RBFOX1: variants seen among roughly 807,000 people sequenced by gnomAD.
RBFOX1 encodes RNA binding fox-1 homolog 1, also known as RNA binding protein fox-1 homolog 1.
In RBFOX1, 8 loss-of-function variants were observed where a neutral mutation model predicts 57.7. The ratio of observed to expected loss-of-function variants is 0.14; its 90% CI spans 0.08 to 0.25. The LOEUF (loss-of-function observed/expected upper bound fraction) is 0.25, where lower values mean the gene tolerates loss of function less well. RBFOX1 is among the 10% of genes least tolerant of loss of function. RBFOX1 has a pLI of 1.00. For synonymous variants in RBFOX1, 326 were observed against 222.4 expected (o/e 1.47, Z -4.15); for missense variants, 611 against 548.5 (o/e 1.11, Z -1.14).
chr16:5,990,436 A>G (rs2060372635), intron 4 of RBFOX1, among the ~76,000 whole-genome samples: 1 of 152,236 alleles, frequency 6.6e-6, no homozygotes, highest in African/African-American at 2.4e-5. Flanking sequence ...ACTTATTCAC[A>G]TTCGAGGATC....
At chr16:7,202,515 C>T (rs1186219899) in intron 4 of RBFOX1, among the ~76,000 whole-genome samples, 2 of 152,190 alleles carry the variant, frequency 1.3e-5, no homozygotes, top group Non-Finnish European at 2.9e-5. Flanking sequence ...CAGGGGTCCC[C>T]AGTCCCTGGG....
rs186153992 is a variant in RBFOX1 at position 6,158,104 on chromosome 16, G to C, written c.-127+138112G>C. Among the ~76,000 whole-genome samples, 408 of 152,252 alleles carry C rather than the reference G, an allele frequency of 2.7e-3. 1 individual carries two copies. The highest frequency in any genetic ancestry group is 4.4e-3 in the Non-Finnish European group (301 of 68,016). On this transcript the variant is annotated intron_variant, in intron 1 of 15. Coordinates refer to ENST00000550418, the MANE Select transcript of RBFOX1 (RefSeq NM_018723.4). ...AGATTCCCCGAGATAAAACCCGAACGCTTTTACAAAATGAAAGTGGAGTGG... is the reference window on the plus strand; with the variant it reads ...AGATTCCCCGAGATAAAACCCGAACCCTTTTACAAAATGAAAGTGGAGTGG...
intron 1 of RBFOX1, chr16:6,037,497 A>G (rs1030959132): frequency 4.6e-5 from 7 of 150,918 alleles, no homozygotes; most frequent in Non-Finnish European, 1.0e-4. Context: ...ACTCAGTGGA[A>G]TACTACTGTT....
At chr16:7,128,204 T>G (rs72763573) in intron 4 of RBFOX1, among the ~76,000 whole-genome samples, 38,362 of 152,144 alleles carry the variant, frequency 0.25, 4,999 homozygotes, top group Non-Finnish European at 0.28. Flanking sequence ...TTTCAAAGAA[T>G]AATAGCATGT....
chr16:7,211,839 G>A (rs112861620), intron 4 of RBFOX1, among the ~76,000 whole-genome samples: 50 of 152,242 alleles, frequency 3.3e-4, no homozygotes, highest in Admixed American at 1.5e-3. Context: ...CCCTTAGCAC[G>A]AGGTGGTTGC....
chr16:6,944,954 C>CTGCT (rs2079207307), intron 3 of RBFOX1, among the ~76,000 whole-genome samples: 2 of 152,134 alleles, frequency 1.3e-5, no homozygotes, highest in Admixed American at 1.3e-4. Context: ...AAGTGGCTGA[C>CTGCT]TGCTGTATGG....
chr16:7,371,855 T>C (rs1369190722), intron 4 of RBFOX1, among the ~76,000 whole-genome samples: 1 of 152,244 alleles, frequency 6.6e-6, no homozygotes, highest in Non-Finnish European at 1.5e-5. Flanking sequence ...CTAAATGCCC[T>C]GTGTGACTTT....
chr16:7,047,137 A>G (rs1379991515), intron 3 of RBFOX1, among the ~76,000 whole-genome samples: 2 of 149,434 alleles, frequency 1.3e-5, no homozygotes, highest in East Asian at 2.0e-4. Context: ...TATGTTTACC[A>G]TTTCCATTTC....
intron 2 of RBFOX1, among the ~76,000 whole-genome samples, chr16:6,389,566 A>G (rs1394304101): frequency 6.6e-6 from 1 of 152,198 alleles, no homozygotes; most frequent in Admixed American, 6.5e-5. Context: ...TTGCTGTTCT[A>G]GGAACCTGTG....
At chr16:6,616,761 G>C (rs1261603847) in intron 2 of RBFOX1, among the ~76,000 whole-genome samples, 2 of 152,192 alleles carry the variant, frequency 1.3e-5, no homozygotes, top group Non-Finnish European at 2.9e-5. Context: ...CATTGCAAAA[G>C]GCAGGGCTTT....
intron 4 of RBFOX1, among the ~76,000 whole-genome samples, chr16:7,055,102 A>T (rs368290282): frequency 6.6e-6 from 1 of 152,166 alleles, no homozygotes; most frequent in East Asian, 1.9e-4. Flanking sequence ...TGATCATATG[A>T]TTAATTTTAG....
At chr16:6,699,697 C>T (rs1603442051) in intron 3 of RBFOX1, among the ~76,000 whole-genome samples, 1 of 152,106 alleles carries the variant, frequency 6.6e-6, no homozygotes, top group Non-Finnish European at 1.5e-5. Flanking sequence ...TGGGTTAACA[C>T]AGAAGGACAT....
chr16:6,667,056 A>G (rs1438522955), intron 3 of RBFOX1, among the ~76,000 whole-genome samples: 1 of 152,074 alleles, frequency 6.6e-6, no homozygotes, highest in Non-Finnish European at 1.5e-5. Flanking sequence ...TGAAAATGAG[A>G]TGTTAGTCGT....
intron 2 of RBFOX1, among the ~76,000 whole-genome samples, chr16:5,476,739 T>C (rs1394366710): frequency 6.6e-6 from 1 of 152,234 alleles, no homozygotes; most frequent in Non-Finnish European, 1.5e-5. Flanking sequence ...TTTCCCTGCC[T>C]CTTGGGTGCC....
intron 4 of RBFOX1, among the ~76,000 whole-genome samples, chr16:7,375,142 C>T (rs1462845742): frequency 6.6e-6 from 1 of 152,190 alleles, no homozygotes; most frequent in Admixed American, 6.5e-5. Context: ...TTAATCTTTT[C>T]AGTAACGTTG....
Position 6,924,260 on chromosome 16 carries a change from C to T in RBFOX1, c.-15-127797C>T, listed in dbSNP as rs564989457. Among the ~76,000 whole-genome samples, 1,364 of 152,186 alleles carry T rather than the reference C, an allele frequency of 9.0e-3. 21 individuals carry two copies. The highest frequency in any genetic ancestry group is 0.031 in the African/African-American group (1,284 of 41,514). ...GAGGTTTATTTGACTCACAGTTCTGCTGGCTGTGCAGTTATGGCTCCAGCA... is the reference window on the plus strand; with the variant it reads ...GAGGTTTATTTGACTCACAGTTCTGTTGGCTGTGCAGTTATGGCTCCAGCA... On this transcript the variant is annotated intron_variant, in intron 3 of 15. Transcript: ENST00000550418.
intron 4 of RBFOX1, among the ~76,000 whole-genome samples, chr16:7,483,543 A>C (rs371083783): frequency 1.6e-3 from 240 of 152,360 alleles, no homozygotes; most frequent in African/African-American, 4.7e-3. Context: ...CTGGGATGCC[A>C]ACCTTGTTAT....
intron 1 of RBFOX1, among the ~76,000 whole-genome samples, chr16:6,177,172 C>T (rs2097017879): frequency 6.7e-6 from 1 of 150,126 alleles, no homozygotes; most frequent in South Asian, 2.1e-4. Flanking sequence ...ACAACCAAAT[C>T]TCATTTCTTG....
chr16:6,113,431 G>A (rs2096466279), intron 1 of RBFOX1, among the ~76,000 whole-genome samples: 1 of 152,142 alleles, frequency 6.6e-6, no homozygotes, highest in South Asian at 2.1e-4. Flanking sequence ...GAACCACAGC[G>A]ACATAAAAGG....
Sources: allele counts gnomAD v4.1 joint callset (sites outside exome capture counted in the v4.1 genomes callset), GRCh38; gene constraint gnomAD v4.1.1; transcripts MANE v1.5; gene names NCBI Gene and HGNC (gene_info 2026-07-23, HGNC 2026-07-21).